ZC3HAV1L: variants seen among roughly 807,000 people sequenced by gnomAD.
ZC3HAV1L encodes zinc finger CCCH-type antiviral protein 1-like.
A neutral mutation model predicts 28.2 loss-of-function variants in ZC3HAV1L; 23 were observed. That is an observed-to-expected ratio of 0.82 (90% confidence interval 0.59 to 1.16). ZC3HAV1L has a LOEUF of 1.16. Ranked by LOEUF, ZC3HAV1L falls within the 50% of genes most tolerant of loss-of-function variation. ZC3HAV1L has a pLI of 0.00. For synonymous variants in ZC3HAV1L, 180 were observed against 163.4 expected, an observed-to-expected ratio of 1.10 and a Z score of -0.78; for missense variants, 376 against 387.7, an observed-to-expected ratio of 0.97 and a Z score of 0.25.
downstream of ZC3HAV1L, among the ~76,000 whole-genome samples, chr7:139,025,308 C>T (rs1440200468): frequency 1.3e-5 from 2 of 152,126 alleles, no homozygotes; most frequent in Non-Finnish European, 2.9e-5. Flanking sequence ...ATTAACTGGG[C>T]GTGGTGGCTC....
intron 4 of ZC3HAV1L, 24 bp from the exon 5 acceptor site, chr7:139,026,584 C>G: frequency 6.2e-7 from 1 of 1,612,394 alleles, no homozygotes; most frequent in Non-Finnish European, 8.5e-7. Context: ...ATTATTATGA[C>G]CATTACAAAT....
rs150537133 is a variant in ZC3HAV1L, at chr7:139,026,476, C to T, written c.*68G>A. ...CTCTCTTTGCCTGTTCAATGTCCCA[C>T]CCCATCCCCAACCACCCATGCCCAA... On this transcript the variant is annotated 3_prime_UTR_variant, in exon 5 of 5. Transcript: ENST00000275766. The T allele has an allele frequency of 1.9e-6, 3 of 1,600,996 alleles. No homozygotes were observed. The African/African-American group carries it at 4.0e-5, about 21-fold the overall frequency.
chr7:139,034,674 T>C lies in ZC3HAV1L; in HGVS notation c.370A>G (p.Thr124Ala). 1 of 1,613,856 alleles carries C rather than the reference T, an allele frequency of 6.2e-7. No individual in the cohort carries two copies. Among genetic ancestry groups the C allele is most frequent in the South Asian group, 1.1e-5 (1 of 91,064 alleles). The change falls in exon 2 of 5, where the codon ACC (threonine) becomes GCC (alanine). Residue 124 changes from threonine (T) to alanine (A), a missense_variant. Physicochemically the swap from Thr to Ala is moderately conservative, Grantham distance 58. Transcript: ENST00000275766. ...TGGATATCATGGGAAAGGGTACAGGTAGACCTAAAAGAACAAAGCCCTCGG... is the reference window on the plus strand; with the variant it reads ...TGGATATCATGGGAAAGGGTACAGGCAGACCTAAAAGAACAAAGCCCTCGG... ...GKCPNRDCWS[T>A]CTLSHDIHTP... is the part of the protein sequence containing the mutation.
chr7:139,027,183 G>A (rs182506633), intron 3 of ZC3HAV1L, among the ~76,000 whole-genome samples: 43 of 152,194 alleles, frequency 2.8e-4, no homozygotes, highest in African/African-American at 8.4e-4. Context: ...CACTCACTAC[G>A]TCTGACACTA....
At chr7:139,034,830 G>A in intron 1 of ZC3HAV1L, 152 bp from the exon 2 acceptor site, 2 of 1,381,734 alleles carry the variant, frequency 1.4e-6, no homozygotes, top group East Asian at 2.5e-5. Flanking sequence ...AAGCACTGAT[G>A]GAAAATAAGA....
intron 3 of ZC3HAV1L, among the ~76,000 whole-genome samples, 159 bp downstream of exon 3, chr7:139,028,543 T>C (rs918983774): frequency 1.1e-4 from 17 of 152,272 alleles, no homozygotes; most frequent in Admixed American, 3.3e-4. Context: ...TACAATACAA[T>C]GTTGCCTGTT....
intron 2 of ZC3HAV1L, among the ~76,000 whole-genome samples, chr7:139,032,286 A>G (rs898191950): frequency 6.6e-6 from 1 of 152,116 alleles, no homozygotes; most frequent in African/African-American, 2.4e-5. Flanking sequence ...CAAAGTTTCA[A>G]TTAAACAGGA....
chr7:139,027,508 A>G (rs10085525), intron 3 of ZC3HAV1L, among the ~76,000 whole-genome samples: 71,224 of 151,946 alleles, frequency 0.47, 17,246 homozygotes, highest in Non-Finnish European at 0.52. Flanking sequence ...CCTTGTCCCT[A>G]CAAAAGAAAA....
Position 139,026,727 on chromosome 7 carries a change from C to T in ZC3HAV1L, c.867G>A (p.Ser289=), listed in dbSNP as rs144138917. Residue 289 remains serine (S), a synonymous_variant, in exon 4 of 5, where the codon TCG becomes TCA. Coordinates refer to ENST00000275766, the MANE Select transcript of ZC3HAV1L (RefSeq NM_080660.4). ...AGPLASVPAQ[S]AKKPCPVSCE... ...GTTTACCTGGGCAGGGCTTCTTGGC[C>T]GACTGAGCAGGGACAGAAGCCAGAG... The T allele has an allele frequency of 1.8e-4, 286 of 1,614,030 alleles. No homozygotes were observed. The highest frequency in any genetic ancestry group is 2.7e-4 in the African/African-American group (20 of 75,016).
downstream of ZC3HAV1L, among the ~76,000 whole-genome samples, chr7:139,022,117 T>C (rs530522098): frequency 6.6e-6 from 1 of 152,278 alleles, no homozygotes; most frequent in East Asian, 1.9e-4. Context: ...AATCCCTCGA[T>C]GGAAAGAATT....
At chr7:139,025,176 C>G (rs1028127108), downstream of ZC3HAV1L, among the ~76,000 whole-genome samples, 1 of 152,156 alleles carries the variant, frequency 6.6e-6, no homozygotes, top group Non-Finnish European at 1.5e-5. Flanking sequence ...GAAGAGTAGA[C>G]AGAGTCTCAC....
intron 1 of ZC3HAV1L, 56 bp downstream of exon 1, chr7:139,035,597 G>A: frequency 1.5e-6 from 2 of 1,345,000 alleles, no homozygotes; most frequent in South Asian, 3.7e-5. Context: ...GCTTCCAGCA[G>A]GACGGCCAGG....
intron 2 of ZC3HAV1L, among the ~76,000 whole-genome samples, chr7:139,029,282 G>C (rs1018629160): frequency 2.6e-5 from 4 of 152,300 alleles, no homozygotes; most frequent in Non-Finnish European, 5.9e-5. Context: ...GGGATTACAG[G>C]TGTGAGCCAC....
At chr7:139,026,867 T>A in intron 3 of ZC3HAV1L, 34 bp from the exon 4 acceptor site, 1 of 1,585,772 alleles carries the variant, frequency 6.3e-7, no homozygotes, top group Non-Finnish European at 8.6e-7. Flanking sequence ...TTTCCTACGA[T>A]ACCCCAAGTT....
chr7:139,034,003 C>T (rs1815615836), intron 2 of ZC3HAV1L: 1 of 985,326 alleles, frequency 1.0e-6, no homozygotes, highest in South Asian at 4.7e-5. Context: ...AGGAAGAAAC[C>T]TGCTTGTTCC....
chr7:139,024,348 A>G (rs55712496), downstream of ZC3HAV1L, among the ~76,000 whole-genome samples: 160 of 152,328 alleles, frequency 1.1e-3, no homozygotes, highest in Non-Finnish European at 1.9e-3. Context: ...AAGCATAATG[A>G]TAAGATATAA....
At position 139,026,329 on chromosome 7, in the gene ZC3HAV1L, G is replaced by A. The variant is rs1165978954; in HGVS notation, c.*215C>T. ...TATAAATTGATAGAAAAACAATGGTGGACCACAGAAGTCAGCAGAGCTCCA... is the reference window on the plus strand; with the variant it reads ...TATAAATTGATAGAAAAACAATGGTAGACCACAGAAGTCAGCAGAGCTCCA... On this transcript the variant is annotated 3_prime_UTR_variant, in exon 5 of 5. Coordinates refer to ENST00000275766, the MANE Select transcript of ZC3HAV1L (RefSeq NM_080660.4). 3.4e-6 allele frequency: 2 copies of A among 588,642 alleles called. No individual in the cohort carries two copies. Among genetic ancestry groups the A allele is most frequent in the Non-Finnish European group, 5.7e-6 (2 of 350,716 alleles). The allele number at this position is 588,642 out of a possible 1,614,324, so 36.5% of individuals were successfully genotyped here.
intron 1 of ZC3HAV1L, chr7:139,035,121 C>A: frequency 3.0e-6 from 3 of 985,472 alleles, no homozygotes; most frequent in Non-Finnish European, 3.6e-6. Context: ...CGAACCCCAG[C>A]TCTGGCAGTC....
In ZC3HAV1L at chr7:139,026,781, C is replaced by A. The variant is rs747413580; in HGVS notation, c.813G>T (p.Val271=). 2.5e-6 allele frequency: 4 copies of A among 1,614,058 alleles called. No individual in the cohort carries two copies. ...EHSQGLEKQG[V]HAAGAAEAGP... is the part of the protein sequence containing the mutation. ...CAGCTTCTGCAGCTCCAGCTGCGTG[C>A]ACTCCTTGCTTCTCAAGGCCTTGTG... Residue 271 remains valine (V), a synonymous_variant, in exon 4 of 5, where the codon GTG becomes GTT. Transcript: ENST00000275766.
Sources: gnomAD v4.1 joint callset for allele counts (sites outside exome capture counted in the v4.1 genomes callset) on GRCh38, gnomAD v4.1.1 for gene constraint, MANE v1.5 for transcripts, NCBI Gene and HGNC (gene_info 2026-07-23, HGNC 2026-07-21) for gene names.